The following ANKAR variants were observed in gnomAD, a reference collection of about 807,000 sequenced individuals.
ANKAR encodes ankyrin and armadillo repeat containing.
A neutral mutation model predicts 146.2 loss-of-function variants in ANKAR; 136 were observed. That is an observed-to-expected ratio of 0.93 (90% CI 0.81 to 1.07). The LOEUF (loss-of-function observed/expected upper bound fraction) is 1.07, where lower values mean the gene tolerates loss of function less well. Among genes scored for constraint, ANKAR ranks in the 50% least tolerant of loss-of-function variants. The probability of loss-of-function intolerance (pLI) is 0.00; values close to 1 mark genes in which losing one functional copy is unlikely to be tolerated. For synonymous variants in ANKAR, 500 were observed against 575.8 expected, an observed-to-expected ratio of 0.87 and a Z score of 1.88; for missense variants, 1,567 against 1,679.9, an observed-to-expected ratio of 0.93 and a Z score of 1.18.
intron 17 of ANKAR, 79 bp downstream of exon 17, chr2:189,733,308 T>C (rs113464410): frequency 3.3e-6 from 4 of 1,209,540 alleles, no homozygotes; most frequent in Non-Finnish European, 4.5e-6. Context: ...TCAAGTCTTC[T>C]TCATGGCAAT....
At chr2:189,701,940 T>C (rs1203836644) in intron 7 of ANKAR, among the ~76,000 whole-genome samples, 1 of 152,156 alleles carries the variant, frequency 6.6e-6, no homozygotes, top group African/African-American at 2.4e-5. Flanking sequence ...AATGTGATGG[T>C]AAGGTATGGG....
At chr2:189,761,975 T>G (rs2047139053), downstream of ANKAR, among the ~76,000 whole-genome samples, 3 of 152,196 alleles carry the variant, frequency 2.0e-5, no homozygotes, top group South Asian at 6.2e-4. Context: ...CTATTTATTT[T>G]TTGACAGCTA....
intron 22 of ANKAR, among the ~76,000 whole-genome samples, chr2:189,745,489 T>C (rs754860210): frequency 2.8e-4 from 42 of 152,198 alleles, no homozygotes; most frequent in Non-Finnish European, 4.9e-4. Flanking sequence ...TGATACTCTA[T>C]ATAGTTTTGT....
chr2:189,729,715 T>TGTGTGG (rs61101787), intron 15 of ANKAR, among the ~76,000 whole-genome samples: 2 of 141,398 alleles, frequency 1.4e-5, no homozygotes, highest in Admixed American at 1.5e-4. Context: ...TGTGTGTGTG[T>TGTGTGG]GGTGCGGGTG....
intron 12 of ANKAR, among the ~76,000 whole-genome samples, chr2:189,726,759 G>T (rs903732334): frequency 6.6e-6 from 1 of 152,096 alleles, no homozygotes; most frequent in East Asian, 1.9e-4. Flanking sequence ...TTGCCTTGTA[G>T]TTACATAAAA....
At chr2:189,744,893 C>T (rs2043827917) in intron 22 of ANKAR, 105 bp downstream of exon 22, 4 of 845,742 alleles carry the variant, frequency 4.7e-6, no homozygotes, top group South Asian at 1.5e-5. Context: ...CACAGTGGCT[C>T]ATGCCTGTAA....
intron 7 of ANKAR, among the ~76,000 whole-genome samples, chr2:189,697,220 C>G (rs2037350949): frequency 6.6e-6 from 1 of 151,186 alleles, no homozygotes; most frequent in Non-Finnish European, 1.5e-5. Flanking sequence ...ACGAGACCCC[C>G]TGCCCATAAA....
chr2:189,676,712 A>G lies in ANKAR; in HGVS notation c.222A>G (p.Gln74=), dbSNP rs761138081. The change falls in exon 2 of 23, where the codon CAA becomes CAG. Residue 74 remains glutamine (Q), a synonymous_variant. Coordinates refer to ENST00000684021, the MANE Select transcript of ANKAR (RefSeq NM_001378068.1). The part of the protein sequence containing the change: ...QVDLPCGIMS[Q]MNNVGFSTAI... ...ACCTCCCATGTGGAATTATGAGTCA[A>G]ATGAATAACGTAGGCTTCTCCACTG... The G allele has an allele frequency of 2.5e-6, 4 of 1,614,094 alleles. No individual in the cohort carries two copies. Among genetic ancestry groups the G allele is most frequent in the Non-Finnish European group, 3.4e-6 (4 of 1,180,050 alleles).
intron 7 of ANKAR, among the ~76,000 whole-genome samples, chr2:189,702,992 G>A (rs1303120319): frequency 1.3e-5 from 2 of 152,160 alleles, no homozygotes; most frequent in African/African-American, 2.4e-5. Context: ...TAATAATTAT[G>A]CTAGTGCAAC....
Position 189,728,104 on chromosome 2 carries a change from A to G in ANKAR, c.2877+7A>G. The G allele has an allele frequency of 2.5e-6, 4 of 1,592,514 alleles. No individual in the cohort carries two copies. The highest frequency in any genetic ancestry group is 3.4e-6 in the Non-Finnish European group (4 of 1,169,470). ...TCTTTTAAAACTCCTAAAGGTAGGA[A>G]TTTTATGATTACTGGTCATTTTTCT... is the stretch of plus-strand genomic sequence containing the variant. On this transcript the variant is annotated splice_region_variant and intron_variant, in intron 13 of 22. Transcript: ENST00000684021.
intron 12 of ANKAR, among the ~76,000 whole-genome samples, chr2:189,725,397 C>T (rs1462666906): frequency 6.6e-6 from 1 of 152,028 alleles, no homozygotes; most frequent in Admixed American, 6.6e-5. Flanking sequence ...AATATCATCC[C>T]TCATTAAAAG....
intron 3 of ANKAR, among the ~76,000 whole-genome samples, chr2:189,691,514 A>G (rs1473565351): frequency 2.6e-5 from 4 of 152,006 alleles, no homozygotes; most frequent in Non-Finnish European, 5.9e-5. Flanking sequence ...TTAAACAAAG[A>G]TTCTCTTAGG....
Position 189,705,168 on chromosome 2 carries a change from C to G in ANKAR, c.1854C>G (p.Ile618Met), listed in dbSNP as rs776716275. 4.3e-6 allele frequency: 7 copies of G among 1,614,092 alleles called. No homozygotes were observed. The South Asian group carries it at 7.7e-5, about 18-fold the overall frequency. Residue 618 changes from isoleucine to methionine, a missense_variant, in exon 8 of 23, where the codon ATC becomes ATG. Physicochemically the swap from Ile to Met is conservative, Grantham distance 10 (BLOSUM62 1). Transcript: ENST00000684021. ...HFAAFYDNVCIIIALCRKDPS... is the reference protein window; with the variant it reads ...HFAAFYDNVCMIIALCRKDPS... ...CCGCTTTCTATGACAACGTTTGCATCATTATTGCTCTCTGTAGGAAGGATC... is the reference window on the plus strand; with the variant it reads ...CCGCTTTCTATGACAACGTTTGCATGATTATTGCTCTCTGTAGGAAGGATC...
chr2:189,733,026 T>G lies in ANKAR; in HGVS notation c.3301-81T>G. The stretch of plus-strand genomic sequence containing the variant: ...TTTATAGTATCTTTCCACAATGTAT[T>G]CTATATAAATGCCTGCACAATGAAA... On this transcript the variant is annotated intron_variant, in intron 16 of 22. Transcript: ENST00000684021. 3 of 1,335,040 alleles carry G rather than the reference T, an allele frequency of 2.2e-6. No homozygotes were observed. In the Admixed American group the frequency reaches 7.3e-5, roughly 33 times the overall value. The allele number at this position is 1,335,040 out of a possible 1,614,324, so 82.7% of individuals were successfully genotyped here. A position where few individuals can be genotyped will look rare whatever the true frequency, so the allele number is the denominator to read the frequency against.
chr2:189,743,739 G>T (rs13411095), intron 21 of ANKAR, among the ~76,000 whole-genome samples: 5,429 of 152,218 alleles, frequency 0.036, 330 homozygotes, highest in African/African-American at 0.12. Flanking sequence ...AAGTTTTGGG[G>T]AGACTGGTTA....
downstream of ANKAR, among the ~76,000 whole-genome samples, chr2:189,749,461 T>C (rs756844028): frequency 4.7e-4 from 71 of 151,664 alleles, no homozygotes; most frequent in Non-Finnish European, 3.2e-4. Flanking sequence ...GAGGGTTACA[T>C]TCAAAGAATT....
At chr2:189,749,546 A>T (rs1291183048), downstream of ANKAR, among the ~76,000 whole-genome samples, 2 of 151,474 alleles carry the variant, frequency 1.3e-5, no homozygotes, top group Non-Finnish European at 2.9e-5. Flanking sequence ...AGTTTGGATT[A>T]AAAAAAAATC....
chr2:189,723,202 A>G (rs1017968491), intron 12 of ANKAR, among the ~76,000 whole-genome samples: 3 of 152,160 alleles, frequency 2.0e-5, no homozygotes, highest in Non-Finnish European at 4.4e-5. Flanking sequence ...ATTCACATAC[A>G]GTTTCTTGAA....
chr2:189,688,176 AC>A (rs2035881075), intron 2 of ANKAR, among the ~76,000 whole-genome samples: 1 of 152,166 alleles, frequency 6.6e-6, no homozygotes, highest in African/African-American at 2.4e-5. Flanking sequence ...ATTCTTCTAT[AC>A]ATGGATATCC....
Sources: gnomAD v4.1 joint callset for allele counts (sites outside exome capture counted in the v4.1 genomes callset) on GRCh38, gnomAD v4.1.1 for gene constraint, MANE v1.5 for transcripts, NCBI Gene and HGNC (gene_info 2026-07-23, HGNC 2026-07-21) for gene names.